The following GLB1 variants were observed in gnomAD, a reference collection of about 807,000 sequenced individuals.
The protein encoded by GLB1 is beta-galactosidase.
Under a neutral mutation model 74.0 loss-of-function variants are expected in GLB1, and 56 were observed. That is an observed-to-expected ratio of 0.76 (90% CI 0.61 to 0.94). The LOEUF (loss-of-function observed/expected upper bound fraction) is 0.94. GLB1 is among the 40% of genes least tolerant of loss of function. The pLI is 0.00. For synonymous variants in GLB1, 323 were observed against 323.6 expected, an observed-to-expected ratio of 1.00 and a Z score of 0.02; for missense variants, 787 against 845.5, an observed-to-expected ratio of 0.93 and a Z score of 0.86.
rs556882860 is a variant in GLB1 at position 33,031,123 on chromosome 3, C to T, written c.1069-6798G>A. Among the ~76,000 whole-genome samples, 66 of 152,284 alleles carry T rather than the reference C, an allele frequency of 4.3e-4. No homozygotes were observed. In the South Asian group the frequency reaches 0.014, roughly 32 times the overall value. On this transcript the variant is annotated intron_variant, in intron 10 of 15. Transcript: ENST00000307363. ...ATGCAGCCTGCTGGGAGATTATCCC[C>T]AGGAGTCCATGTCAGTGAAATATAT...
intron 15 of GLB1, among the ~76,000 whole-genome samples, chr3:33,003,165 G>C (rs1696647856): frequency 6.6e-6 from 1 of 152,118 alleles, no homozygotes; most frequent in Admixed American, 6.6e-5. Flanking sequence ...TTTGGGACAG[G>C]TCCAAATAGA....
the GLB1 span, among the ~76,000 whole-genome samples, chr3:32,973,931 G>A: frequency 6.6e-6 from 1 of 152,166 alleles, no homozygotes; most frequent in Non-Finnish European, 1.5e-5. Context: ...GCAGCTGCCA[G>A]GAGCTCAGAT....
intron 9 of GLB1, 108 bp downstream of exon 9, chr3:33,051,650 G>C (rs1698993983): frequency 7.4e-6 from 11 of 1,484,128 alleles, no homozygotes; most frequent in Non-Finnish European, 9.2e-6. Context: ...ATTTAGGAGA[G>C]GATAAACAAA....
chr3:33,093,463 C>T lies in GLB1; in HGVS notation c.75+3548G>A, dbSNP rs1295818850. 6.2e-7 allele frequency: 1 copy of T among 1,614,000 alleles called. No homozygotes were observed. The highest frequency in any genetic ancestry group is 2.2e-5 in the East Asian group (1 of 44,892). On this transcript the variant is annotated intron_variant, in intron 1 of 15. Coordinates refer to ENST00000307363, the MANE Select transcript of GLB1 (RefSeq NM_000404.4). This position sits in a 1 kb window ranked among gnomAD's most constrained non-coding sequence, Gnocchi z 6.0. ...GAGGCTTCTGAGTCGGAGAGGTCAC[C>T]CACAATCACCGTGATGTCTGGTTCC...
At chr3:33,091,970 T>C (rs186330143) in intron 1 of GLB1, 6 of 984,144 alleles carry the variant, frequency 6.1e-6, no homozygotes, top group Admixed American at 1.2e-4. Flanking sequence ...ATCTCCTACA[T>C]ATCTTGTCAT....
chr3:32,997,623 C>T (rs1237770308), intron 15 of GLB1, among the ~76,000 whole-genome samples: 1 of 152,114 alleles, frequency 6.6e-6, no homozygotes, highest in Non-Finnish European at 1.5e-5. Flanking sequence ...CAGGTTTGGT[C>T]CCTCTGACGG....
chr3:33,018,447 C>A lies in GLB1; in HGVS notation c.1347+1G>T. On this transcript the variant is annotated splice_donor_variant, in intron 13 of 15. Coordinates refer to ENST00000307363, the MANE Select transcript of GLB1 (RefSeq NM_000404.4). LOFTEE classifies it high-confidence loss of function. ...ACGCACAGTTCAGAGACGATTCTTA[C>A]CCCATCCACAGCAACATATGCTCGA... 1 of 1,613,946 alleles carries A rather than the reference C, an allele frequency of 6.2e-7. No homozygotes were observed. The highest frequency in any genetic ancestry group is 1.3e-5 in the African/African-American group (1 of 74,990).
At chr3:33,009,085 C>T (rs958535713) in intron 15 of GLB1, among the ~76,000 whole-genome samples, 2 of 149,064 alleles carry the variant, frequency 1.3e-5, no homozygotes, top group African/African-American at 2.5e-5. Context: ...TGCCACTGTA[C>T]TCCAGCCTGG....
chr3:33,030,401 A>C (rs1697957105), intron 10 of GLB1: 1 of 737,382 alleles, frequency 1.4e-6, no homozygotes, highest in South Asian at 6.1e-5. Context: ...CCAGTACTAC[A>C]AGAGAGCAGG....
Position 33,058,270 on chromosome 3 carries a change from C to T in GLB1, c.553-1G>A. The T allele has an allele frequency of 6.2e-7, 1 of 1,614,064 alleles. No homozygotes were observed. Among genetic ancestry groups the T allele is most frequent in the Non-Finnish European group, 8.5e-7 (1 of 1,180,004 alleles). On this transcript the variant is annotated splice_acceptor_variant, in intron 5 of 15. Transcript: ENST00000307363. LOFTEE classifies it high-confidence loss of function. The stretch of plus-strand genomic sequence containing the variant: ...AGTAGCTGCCATATTCATTTTCAAC[C>T]TGTGAGTGAAAAAAGAGCAGGGAAA...
At chr3:32,971,912 G>A in the GLB1 span, among the ~76,000 whole-genome samples, 1 of 152,200 alleles carries the variant, frequency 6.6e-6, no homozygotes, top group Non-Finnish European at 1.5e-5. Flanking sequence ...ACAGGAGCAT[G>A]TGTGTTAAAA....
intron 6 of GLB1, among the ~76,000 whole-genome samples, chr3:33,056,227 CAAAAAAAA>C (rs10559091): frequency 6.4e-4 from 31 of 48,622 alleles, no homozygotes; most frequent in South Asian, 2.2e-3. Flanking sequence ...AACTCCACCT[CAAAAAAAA>C]AAAAAAAAAA....
the GLB1 span, among the ~76,000 whole-genome samples, chr3:32,973,191 T>C: frequency 6.6e-6 from 1 of 152,164 alleles, no homozygotes; most frequent in African/African-American, 2.4e-5. Context: ...AATATCCTCT[T>C]GAACCCCATC....
the GLB1 span, among the ~76,000 whole-genome samples, chr3:32,964,539 C>A: frequency 6.6e-6 from 1 of 152,158 alleles, no homozygotes; most frequent in Non-Finnish European, 1.5e-5. Flanking sequence ...TGGGGATCTT[C>A]CTGTTTTCCA....
intron 15 of GLB1, among the ~76,000 whole-genome samples, chr3:33,008,928 T>C (rs1696895113): frequency 6.6e-6 from 1 of 151,640 alleles, no homozygotes; most frequent in Non-Finnish European, 1.5e-5. Context: ...GAGACTGGCC[T>C]GACCAACATG....
chr3:33,068,047 A>G (rs1699756175), intron 4 of GLB1, among the ~76,000 whole-genome samples, 183 bp downstream of exon 4: 3 of 151,964 alleles, frequency 2.0e-5, no homozygotes, highest in Admixed American at 1.3e-4. Context: ...CACCATGCCC[A>G]GCTAATTTTT....
chr3:32,973,744 A>G, the GLB1 span, among the ~76,000 whole-genome samples: 1 of 152,202 alleles, frequency 6.6e-6, no homozygotes, highest in Non-Finnish European at 1.5e-5. Flanking sequence ...CTATACACTT[A>G]AAAGTCTACA....
At chr3:33,044,360 G>GA (rs1346095738) in intron 10 of GLB1, among the ~76,000 whole-genome samples, 1 of 151,984 alleles carries the variant, frequency 6.6e-6, no homozygotes, top group Non-Finnish European at 1.5e-5. Context: ...CAAACAGTAA[G>GA]AAATAGATTG....
the GLB1 span, among the ~76,000 whole-genome samples, chr3:32,989,072 A>G: frequency 6.6e-6 from 1 of 152,142 alleles, no homozygotes; most frequent in Non-Finnish European, 1.5e-5. Context: ...TTTCTTGAGT[A>G]TTTTACCATA....
Sources: gnomAD v4.1 joint callset for allele counts (sites outside exome capture counted in the v4.1 genomes callset) on GRCh38, gnomAD v4.1.1 for gene constraint, Gnocchi (gnomAD v3.1) non-coding constraint, MANE v1.5 for transcripts, NCBI Gene and HGNC (gene_info 2026-07-23, HGNC 2026-07-21) for gene names.